LBH: variants seen among roughly 807,000 people sequenced by gnomAD.
LBH encodes the protein protein LBH.
A neutral mutation model predicts 12.5 loss-of-function variants in LBH; 7 were observed. The ratio of observed to expected loss-of-function variants is 0.56; its 90% CI spans 0.32 to 1.05. The LOEUF (loss-of-function observed/expected upper bound fraction) is 1.05, where lower values mean the gene tolerates loss of function less well. LBH is among the 50% of genes least tolerant of loss of function. The probability of loss-of-function intolerance (pLI) is 0.04; values close to 1 mark genes in which losing one functional copy is unlikely to be tolerated. For synonymous variants in LBH, 51 were observed against 50.1 expected, an observed-to-expected ratio of 1.02 and a Z score of -0.08; for missense variants, 119 against 138.9, an observed-to-expected ratio of 0.86 and a Z score of 0.72.
rs754056974 is a variant in LBH, at chr2:30,231,747, A to T, written c.9A>T (p.Ile3=). The T allele has an allele frequency of 1.9e-6, 3 of 1,582,088 alleles. No individual in the cohort carries two copies. The highest frequency in any genetic ancestry group is 2.6e-6 in the Non-Finnish European group (3 of 1,165,234). The change falls in exon 1 of 3, where the codon ATA becomes ATT. Residue 3 remains isoleucine (I), a synonymous_variant. Coordinates refer to ENST00000395323, the MANE Select transcript of LBH (RefSeq NM_030915.4). The part of the protein sequence containing the change: MS[I]YFPIHCPDYL... Reference sequence around the variant, plus strand: ...GCCTGCCCTAGGACTTCATGTCTATATATTTCCCCATTCACTGGTGAGTAC... The same window carrying T: ...GCCTGCCCTAGGACTTCATGTCTATTTATTTCCCCATTCACTGGTGAGTAC...
Position 30,257,617 on chromosome 2 carries a change from A to C in LBH, c.314A>C (p.Gln105Pro). 1.2e-6 allele frequency: 2 copies of C among 1,608,352 alleles called. No individual in the cohort carries two copies. The change falls in exon 3 of 3, where the codon CAG becomes CCG. Residue 105 changes from glutamine to proline, a missense_variant. Transcript: ENST00000395323. ...CEETAKENKEQ is the reference protein window; with the variant it reads ...CEETAKENKEP Reference sequence around the variant, plus strand: ...GAGACAGCGAAAGAAAATAAAGAGCAGTAGAGTCCCTGTGGACTCCCATGG... The same window carrying C: ...GAGACAGCGAAAGAAAATAAAGAGCCGTAGAGTCCCTGTGGACTCCCATGG...
At chr2:30,254,882 G>A (rs1001385432) in intron 2 of LBH, among the ~76,000 whole-genome samples, 2 of 152,258 alleles carry the variant, frequency 1.3e-5, no homozygotes, top group African/African-American at 2.4e-5. Flanking sequence ...TTGGGACTGG[G>A]AAGCTCACCT....
At chr2:30,249,577 C>A (rs937946) in intron 2 of LBH, among the ~76,000 whole-genome samples, 1 of 152,184 alleles carries the variant, frequency 6.6e-6, no homozygotes, top group Non-Finnish European at 1.5e-5. Flanking sequence ...TTTCATTCCC[C>A]CGGTCCTAAC....
In LBH at chr2:30,253,309, C is replaced by T. The variant is rs113686264; in HGVS notation, c.130-4124C>T. On this transcript the variant is annotated intron_variant, in intron 2 of 2. Coordinates refer to ENST00000395323, the MANE Select transcript of LBH (RefSeq NM_030915.4). Reference sequence around the variant, plus strand: ...TGTGCTGGCAAATTACTCAGCAGCACTTTGCAAGGCTTTCTGTCTGTCTGT... The same window carrying T: ...TGTGCTGGCAAATTACTCAGCAGCATTTTGCAAGGCTTTCTGTCTGTCTGT... Among the ~76,000 whole-genome samples, 73 of 152,318 alleles carry T rather than the reference C, an allele frequency of 4.8e-4. 1 individual carries two copies. Among genetic ancestry groups the T allele is most frequent in the African/African-American group, 1.7e-3 (70 of 41,568 alleles).
intron 2 of LBH, 89 bp downstream of exon 2, chr2:30,234,596 C>A: frequency 1.2e-6 from 1 of 863,772 alleles, no homozygotes; most frequent in Non-Finnish European, 1.9e-6. Flanking sequence ...ATCCCAGTGC[C>A]ACATATAAGA....
intron 2 of LBH, among the ~76,000 whole-genome samples, chr2:30,255,297 CCTCG>C (rs1334963613): frequency 2.6e-5 from 4 of 151,886 alleles, no homozygotes; most frequent in Non-Finnish European, 5.9e-5. Flanking sequence ...ACGTGGCGCT[CCTCG>C]CTCGGCACAT....
intron 2 of LBH, among the ~76,000 whole-genome samples, chr2:30,239,725 G>A (rs531624847): frequency 2.0e-5 from 3 of 152,266 alleles, no homozygotes; most frequent in South Asian, 2.1e-4. Context: ...TTAGGGCCAC[G>A]GGTCTCAAAA....
intron 2 of LBH, among the ~76,000 whole-genome samples, chr2:30,242,616 C>T (rs1226520436): frequency 6.6e-6 from 1 of 152,170 alleles, no homozygotes; most frequent in African/African-American, 2.4e-5. Context: ...ACCCATATTT[C>T]TATCACTGAA....
chr2:30,232,114 G>A, intron 1 of LBH: 1 of 1,543,576 alleles, frequency 6.5e-7, no homozygotes, highest in African/African-American at 1.4e-5. Context: ...ACTTGGCGCA[G>A]GGGGGCTCCT....
chr2:30,231,640 G>A lies in LBH; in HGVS notation c.-99G>A. ...GGCGAGCGCCCGGTGTCCGCACTCGGCCGCCTGCCGTGCCCGTCTGCGCCC... is the reference window on the plus strand; with the variant it reads ...GGCGAGCGCCCGGTGTCCGCACTCGACCGCCTGCCGTGCCCGTCTGCGCCC... On this transcript the variant is annotated 5_prime_UTR_variant, in exon 1 of 3. Transcript: ENST00000395323. The A allele has an allele frequency of 2.4e-6, 3 of 1,268,036 alleles. No individual in the cohort carries two copies. The highest frequency in any genetic ancestry group is 1.5e-5 in the African/African-American group (1 of 65,996). The allele number at this position is 1,268,036 out of a possible 1,614,324, so 78.5% of individuals were successfully genotyped here.
intron 2 of LBH, among the ~76,000 whole-genome samples, chr2:30,243,557 A>C (rs1184189206): frequency 6.7e-5 from 9 of 134,114 alleles, no homozygotes; most frequent in Admixed American, 5.4e-4. Context: ...TTGAGATGGA[A>C]TCTTGCTCTG....
chr2:30,254,386 G>A (rs1040498343), intron 2 of LBH, among the ~76,000 whole-genome samples: 4 of 152,190 alleles, frequency 2.6e-5, no homozygotes, highest in Non-Finnish European at 5.9e-5. Flanking sequence ...GCAGTTGACC[G>A]TGGGTAACTG....
At chr2:30,241,779 A>AT (rs1677794860) in intron 2 of LBH, among the ~76,000 whole-genome samples, 1 of 151,896 alleles carries the variant, frequency 6.6e-6, no homozygotes, top group South Asian at 2.1e-4. Flanking sequence ...TGTTTCTTAA[A>AT]TTTTTTTGTT....
rs563904083 is a variant in LBH at position 30,248,580 on chromosome 2, C to T, written c.130-8853C>T. Among the ~76,000 whole-genome samples, 7 of 152,240 alleles carry T rather than the reference C, an allele frequency of 4.6e-5. 1 individual carries two copies. The South Asian group carries it at 1.2e-3, about 27-fold the overall frequency. ...TACTAGTGGAGGGAGGATAGAGAGA[C>T]GGATGTGCCACCCACAGATGCCTGG... On this transcript the variant is annotated intron_variant, in intron 2 of 2. Transcript: ENST00000395323.
intron 2 of LBH, among the ~76,000 whole-genome samples, chr2:30,244,518 G>C (rs1238840567): frequency 6.6e-6 from 1 of 152,072 alleles, no homozygotes; most frequent in East Asian, 1.9e-4. Flanking sequence ...AGCTTCACCT[G>C]CTTCCTTGTC....
In LBH at chr2:30,231,640, G is replaced by C; in HGVS notation, c.-99G>C. On this transcript the variant is annotated 5_prime_UTR_variant, in exon 1 of 3. Coordinates refer to ENST00000395323, the MANE Select transcript of LBH (RefSeq NM_030915.4). The stretch of plus-strand genomic sequence containing the variant: ...GGCGAGCGCCCGGTGTCCGCACTCG[G>C]CCGCCTGCCGTGCCCGTCTGCGCCC... 1 of 1,268,044 alleles carries C rather than the reference G, an allele frequency of 7.9e-7. No individual in the cohort carries two copies. The highest frequency in any genetic ancestry group is 1.1e-6 in the Non-Finnish European group (1 of 881,020). The allele number at this position is 1,268,044 out of a possible 1,614,324, so 78.5% of individuals were successfully genotyped here.
intron 1 of LBH, chr2:30,232,069 A>T: frequency 6.7e-7 from 1 of 1,499,692 alleles, no homozygotes; most frequent in Non-Finnish European, 8.9e-7. Context: ...CAATGAAACC[A>T]CCCTATGCGG....
At chr2:30,254,873 T>C (rs181799753) in intron 2 of LBH, among the ~76,000 whole-genome samples, 137 of 152,346 alleles carry the variant, frequency 9.0e-4, no homozygotes, top group African/African-American at 3.2e-3. Flanking sequence ...AAACAAGCAT[T>C]GGGACTGGGA....
At chr2:30,253,695 G>C (rs1678027282) in intron 2 of LBH, among the ~76,000 whole-genome samples, 1 of 152,160 alleles carries the variant, frequency 6.6e-6, no homozygotes, top group African/African-American at 2.4e-5. Context: ...CTCTTGCTTG[G>C]AGATTGGATG....
Sources: allele counts gnomAD v4.1 joint callset (sites outside exome capture counted in the v4.1 genomes callset), GRCh38; gene constraint gnomAD v4.1.1; transcripts MANE v1.5; gene names NCBI Gene and HGNC (gene_info 2026-07-23, HGNC 2026-07-21).